NDST4: variants seen among roughly 807,000 people sequenced by gnomAD.
NDST4 encodes N-heparan sulfate sulfotransferase 4.
NDST4 carries 63 observed loss-of-function variants against 100.8 expected under a neutral mutation model. The observed-to-expected ratio is 0.62, with a 90% CI of 0.51 to 0.77. The LOEUF is 0.77. Among genes scored for constraint, NDST4 ranks in the 30% least tolerant of loss-of-function variants. The pLI is 0.00. For synonymous variants in NDST4, 377 were observed against 361.8 expected (o/e 1.04, Z -0.48); for missense variants, 943 against 1,018.4 (o/e 0.93, Z 1.01).
rs186447015 is a variant in NDST4, at chr4:115,033,732, T to C, written c.978+42327A>G. Among the ~76,000 whole-genome samples, 582 of 152,184 alleles carry C rather than the reference T, an allele frequency of 3.8e-3. 4 individuals are homozygous for C. The highest frequency in any genetic ancestry group is 1.0e-2 in the Admixed American group (152 of 15,258). ...ATATAAACCATTAGTGGCAGGTTGG[T>C]TGTTCAGTCTTTTTGAATAACATTT... On this transcript the variant is annotated intron_variant, in intron 2 of 13. Transcript: ENST00000264363.
chr4:115,050,405 T>TACACACACAC (rs36055187), intron 2 of NDST4, among the ~76,000 whole-genome samples: 38 of 149,518 alleles, frequency 2.5e-4, no homozygotes, highest in Admixed American at 1.7e-3. Flanking sequence ...AATGAAGCAT[T>TACACACACAC]ACACACACAC....
chr4:115,018,692 C>G (rs1222130961), intron 2 of NDST4, among the ~76,000 whole-genome samples: 2 of 151,854 alleles, frequency 1.3e-5, no homozygotes, highest in Admixed American at 1.3e-4. Context: ...GATACATGTA[C>G]ATTATTTTGT....
At chr4:114,852,847 TCA>T (rs1406933458) in intron 7 of NDST4, 26 bp from the exon 8 acceptor site, 1 of 1,502,846 alleles carries the variant, frequency 6.7e-7, no homozygotes, top group Non-Finnish European at 9.2e-7. Flanking sequence ...ATAAGTAACC[TCA>T]CAGTGTAATG....
chr4:114,921,591 T>TA (rs1196920482), intron 6 of NDST4, among the ~76,000 whole-genome samples: 1 of 152,222 alleles, frequency 6.6e-6, no homozygotes, highest in African/African-American at 2.4e-5. Context: ...ACTTGCTTTT[T>TA]ATCACATCTT....
intron 6 of NDST4, among the ~76,000 whole-genome samples, chr4:114,914,375 T>TAA (rs1725125005): frequency 2.0e-5 from 3 of 152,150 alleles, no homozygotes; most frequent in African/African-American, 7.2e-5. Flanking sequence ...ATACCCTATT[T>TAA]TACATGATGT....
chr4:114,854,679 A>C (rs1351166698), intron 7 of NDST4, among the ~76,000 whole-genome samples: 4 of 152,292 alleles, frequency 2.6e-5, no homozygotes, highest in Non-Finnish European at 5.9e-5. Context: ...TATGTTAGCC[A>C]GGATGGTCTC....
intron 4 of NDST4, among the ~76,000 whole-genome samples, chr4:114,938,132 C>A (rs1385723324): frequency 6.6e-6 from 1 of 152,064 alleles, no homozygotes; most frequent in Non-Finnish European, 1.5e-5. Flanking sequence ...GAAACTATTT[C>A]TATGCTACCA....
intron 2 of NDST4, among the ~76,000 whole-genome samples, chr4:115,006,451 A>G (rs1352013619): frequency 6.6e-6 from 1 of 152,174 alleles, no homozygotes; most frequent in Non-Finnish European, 1.5e-5. Flanking sequence ...AAAAAGGGGT[A>G]GTAATAAATA....
intron 6 of NDST4, among the ~76,000 whole-genome samples, chr4:114,918,217 T>C (rs1725214161): frequency 6.6e-6 from 1 of 151,926 alleles, no homozygotes; most frequent in Non-Finnish European, 1.5e-5. Flanking sequence ...GCTGACAAAA[T>C]GGGCTCCTCA....
chr4:114,855,336 G>T (rs1297281187), intron 7 of NDST4, among the ~76,000 whole-genome samples: 1 of 152,142 alleles, frequency 6.6e-6, no homozygotes, highest in Non-Finnish European at 1.5e-5. Flanking sequence ...TATTGCTTAA[G>T]AAATCTTTGC....
intron 10 of NDST4, among the ~76,000 whole-genome samples, chr4:114,839,821 A>G (rs529631794): frequency 6.6e-6 from 1 of 152,334 alleles, no homozygotes; most frequent in Non-Finnish European, 1.5e-5. Flanking sequence ...TTCACTATAT[A>G]TCAAGTGGTA....
At chr4:115,055,027 A>G (rs1374788054) in intron 2 of NDST4, among the ~76,000 whole-genome samples, 1 of 152,058 alleles carries the variant, frequency 6.6e-6, no homozygotes, top group East Asian at 1.9e-4. Context: ...CACTTGCATT[A>G]TCACCCGAGC....
At chr4:115,035,477 G>T (rs933144229) in intron 2 of NDST4, among the ~76,000 whole-genome samples, 4 of 151,898 alleles carry the variant, frequency 2.6e-5, no homozygotes, top group Non-Finnish European at 5.9e-5. Flanking sequence ...GAATGGCAGA[G>T]GTTTTACAGA....
intron 1 of NDST4, among the ~76,000 whole-genome samples, chr4:115,108,645 G>A (rs1729879994): frequency 6.6e-6 from 1 of 151,116 alleles, no homozygotes; most frequent in South Asian, 2.1e-4. Flanking sequence ...GGGAGTGTTG[G>A]AAAAAAAAGA....
chr4:114,929,105 C>CATCT lies in NDST4; in HGVS notation c.1536+6100_1536+6101insAGAT, dbSNP rs1250707329. On this transcript the variant is annotated intron_variant, in intron 6 of 13. Coordinates refer to ENST00000264363, the MANE Select transcript of NDST4 (RefSeq NM_022569.3). ...CCATCCATCCATCCATCCATCCATC[C>CATCT]ATCCATCCATCTATCTATCTATCTA... Among the ~76,000 whole-genome samples, 332 of 121,942 alleles carry CATCT rather than the reference C, an allele frequency of 2.7e-3. 3 individuals carry two copies. The highest frequency in any genetic ancestry group is 8.6e-3 in the African/African-American group (269 of 31,336). 80.0% of individuals were successfully genotyped at this position (121,942 alleles called of 152,430 possible).
At chr4:115,084,524 G>A (rs1006926445) in intron 1 of NDST4, among the ~76,000 whole-genome samples, 1 of 152,134 alleles carries the variant, frequency 6.6e-6, no homozygotes, top group Non-Finnish European at 1.5e-5. Flanking sequence ...CAGGCCTGGA[G>A]GCCTAGGAGG....
At chr4:114,970,018 A>C (rs1726474250) in intron 4 of NDST4, among the ~76,000 whole-genome samples, 4 of 152,144 alleles carry the variant, frequency 2.6e-5, no homozygotes, top group Admixed American at 2.6e-4. Flanking sequence ...GATTGGAATG[A>C]GATGGTATCT....
intron 3 of NDST4, among the ~76,000 whole-genome samples, chr4:114,976,339 G>A (rs1726632997): frequency 6.6e-6 from 1 of 152,038 alleles, no homozygotes; most frequent in South Asian, 2.1e-4. Context: ...TGCACAAATA[G>A]AAGCAGATTA....
intron 2 of NDST4, among the ~76,000 whole-genome samples, chr4:115,012,909 G>C (rs79485037): frequency 6.6e-6 from 1 of 151,860 alleles, no homozygotes; most frequent in Non-Finnish European, 1.5e-5. Context: ...CAACAAAAGG[G>C]ATGAAACTGA....
Sources: gnomAD v4.1 joint callset for allele counts (sites outside exome capture counted in the v4.1 genomes callset) on GRCh38, gnomAD v4.1.1 for gene constraint, MANE v1.5 for transcripts, NCBI Gene and HGNC (gene_info 2026-07-23, HGNC 2026-07-21) for gene names.